GADL1: variants seen among roughly 807,000 people sequenced by gnomAD.
GADL1 encodes the protein GAD like acidic amino acid decarboxylase 1.
In GADL1, 71 loss-of-function variants were observed where a neutral mutation model predicts 69.5. The observed-to-expected ratio is 1.02, with a 90% CI of 0.84 to 1.25. GADL1 has a LOEUF of 1.25. Ranked by LOEUF, GADL1 falls within the 50% of genes most tolerant of loss-of-function variation. The pLI, the probability that GADL1 is intolerant of heterozygous loss-of-function variation, is 0.00. For synonymous variants in GADL1, 254 were observed against 214.4 expected (o/e 1.18, Z -1.62); for missense variants, 737 against 631.8 (o/e 1.17, Z -1.79).
chr3:30,857,168 G>A (rs898100778), intron 2 of GADL1, 27 bp from the exon 3 acceptor site: 1 of 1,547,146 alleles, frequency 6.5e-7, no homozygotes, highest in Admixed American at 2.0e-5. Flanking sequence ...AACACAAATT[G>A]AGTATCCACC....
At chr3:30,848,701 C>T (rs1698095417) in intron 6 of GADL1, among the ~76,000 whole-genome samples, 1 of 152,176 alleles carries the variant, frequency 6.6e-6, no homozygotes, top group Non-Finnish European at 1.5e-5. Context: ...TAAGCCGTGC[C>T]ATCTACTTCT....
intron 14 of GADL1, among the ~76,000 whole-genome samples, chr3:30,729,496 A>G (rs1256770361): frequency 1.3e-5 from 2 of 152,208 alleles, no homozygotes; most frequent in Non-Finnish European, 1.5e-5. Flanking sequence ...GAGTACATAT[A>G]GAAAGAACAC....
chr3:30,840,691 T>G (rs1376941281), intron 8 of GADL1, among the ~76,000 whole-genome samples: 1 of 152,198 alleles, frequency 6.6e-6, no homozygotes, highest in African/African-American at 2.4e-5. Flanking sequence ...TGCAAGCTAT[T>G]ATAGCCTATT....
At chr3:30,866,125 A>AG (rs1417555087) in intron 1 of GADL1, among the ~76,000 whole-genome samples, 1 of 152,082 alleles carries the variant, frequency 6.6e-6, no homozygotes. Context: ...AACTAATAAA[A>AG]GTTAGCTAAC....
intron 1 of GADL1, among the ~76,000 whole-genome samples, chr3:30,882,606 G>A (rs1411349674): frequency 2.0e-5 from 3 of 151,708 alleles, no homozygotes; most frequent in African/African-American, 4.8e-5. Flanking sequence ...CTTTACTATC[G>A]TGAATAGTGC....
rs1049550613 is a variant in GADL1 at position 30,852,338 on chromosome 3, C to A, written c.429-1397G>T. On this transcript the variant is annotated intron_variant, in intron 4 of 14. Transcript: ENST00000282538. ...ACCAGCCTGGCCAAGATGGTGAAAC[C>A]CCATCTCTATTAAAAATACAAAAAT... Among the ~76,000 whole-genome samples the A allele has an allele frequency of 3.3e-5, 5 of 151,960 alleles. 1 individual carries two copies. Among genetic ancestry groups the A allele is most frequent in the African/African-American group, 1.2e-4 (5 of 41,368 alleles).
chr3:30,825,403 T>C (rs1697665367), intron 11 of GADL1, among the ~76,000 whole-genome samples: 1 of 151,978 alleles, frequency 6.6e-6, no homozygotes, highest in Admixed American at 6.6e-5. Flanking sequence ...CTTATTCACA[T>C]GGACTTGGAT....
At chr3:30,824,163 ATAT>A (rs1390195503) in intron 11 of GADL1, among the ~76,000 whole-genome samples, 4 of 151,920 alleles carry the variant, frequency 2.6e-5, no homozygotes, top group African/African-American at 9.7e-5. Context: ...AATAGTAGAA[ATAT>A]TTTTAAAGCT....
chr3:30,761,053 A>AT (rs1696115685), intron 14 of GADL1, among the ~76,000 whole-genome samples: 1 of 152,210 alleles, frequency 6.6e-6, no homozygotes. Context: ...TGCAACTAGT[A>AT]TTGTATATTT....
intron 11 of GADL1, among the ~76,000 whole-genome samples, chr3:30,820,740 C>G (rs1360747294): frequency 1.3e-5 from 2 of 151,894 alleles, no homozygotes; most frequent in East Asian, 3.9e-4. Context: ...TAAACTAGTT[C>G]AACCATTGTG....
intron 11 of GADL1, among the ~76,000 whole-genome samples, chr3:30,822,585 T>C (rs1697604270): frequency 6.6e-6 from 1 of 152,086 alleles, no homozygotes; most frequent in Non-Finnish European, 1.5e-5. Context: ...TATATTAATA[T>C]GCATCTCAAG....
intron 12 of GADL1, among the ~76,000 whole-genome samples, chr3:30,793,149 C>T (rs544717714): frequency 1.3e-5 from 2 of 152,156 alleles, no homozygotes; most frequent in Admixed American, 1.3e-4. Flanking sequence ...GAGGGATGAT[C>T]TATTAAGATC....
At chr3:30,792,650 C>T (rs1047421807) in intron 12 of GADL1, among the ~76,000 whole-genome samples, 1 of 152,098 alleles carries the variant, frequency 6.6e-6, no homozygotes, top group Non-Finnish European at 1.5e-5. Flanking sequence ...ATATCAGGAA[C>T]CAGTTATTTA....
chr3:30,749,997 A>C (rs1559486197), intron 14 of GADL1, among the ~76,000 whole-genome samples: 2 of 152,206 alleles, frequency 1.3e-5, no homozygotes. Flanking sequence ...GACAAAGGTC[A>C]GATTTTGCTG....
rs545862234 is a variant in GADL1, at chr3:30,796,228, A to G, written c.1250+4661T>C. Among the ~76,000 whole-genome samples, 12 of 152,342 alleles carry G rather than the reference A, an allele frequency of 7.9e-5. No individual in the cohort carries two copies. The East Asian group carries it at 1.9e-3, about 24-fold the overall frequency. On this transcript the variant is annotated intron_variant, in intron 12 of 14. Coordinates refer to ENST00000282538, the MANE Select transcript of GADL1 (RefSeq NM_207359.3). ...TTCTACCCCATTTAAATAGTGCAAGAAAATCCACAAAAAGGGAACAGAGCT... is the reference window on the plus strand; with the variant it reads ...TTCTACCCCATTTAAATAGTGCAAGGAAATCCACAAAAAGGGAACAGAGCT...
chr3:30,778,489 TAAATGTGCAAAGATCAGG>T (rs956768201), intron 13 of GADL1, among the ~76,000 whole-genome samples: 2 of 152,180 alleles, frequency 1.3e-5, no homozygotes, highest in African/African-American at 4.8e-5. Flanking sequence ...TCTTTCATCT[TAAATGTGCAAAGATCAGG>T]AAAAAACAGT....
intron 5 of GADL1, among the ~76,000 whole-genome samples, chr3:30,850,505 A>G (rs755088123): frequency 6.6e-6 from 1 of 152,180 alleles, no homozygotes; most frequent in Non-Finnish European, 1.5e-5. Context: ...GGATAAACAA[A>G]TGTAATTCAG....
intron 1 of GADL1, among the ~76,000 whole-genome samples, chr3:30,874,291 G>C (rs1698546628): frequency 6.6e-6 from 1 of 151,976 alleles, no homozygotes; most frequent in South Asian, 2.1e-4. Context: ...TACCGCTGGA[G>C]TGGCAAATGC....
At chr3:30,769,186 A>T (rs1191204425) in intron 14 of GADL1, among the ~76,000 whole-genome samples, 1 of 152,168 alleles carries the variant, frequency 6.6e-6, no homozygotes, top group Admixed American at 6.5e-5. Context: ...AGTCATTATT[A>T]CAGCTCCCAC....
Sources: gnomAD v4.1 joint callset for allele counts (sites outside exome capture counted in the v4.1 genomes callset) on GRCh38, gnomAD v4.1.1 for gene constraint, MANE v1.5 for transcripts, NCBI Gene and HGNC (gene_info 2026-07-23, HGNC 2026-07-21) for gene names.